The following DNMBP variants were observed in gnomAD, a reference collection of about 807,000 sequenced individuals.
The protein encoded by DNMBP is dynamin-binding protein.
Under a neutral mutation model 150.0 loss-of-function variants are expected in DNMBP, and 87 were observed. The observed-to-expected ratio is 0.58, with a 90% CI of 0.49 to 0.69. The LOEUF is 0.69. Ranked by LOEUF, DNMBP falls within the 30% of genes least tolerant of loss-of-function variation. The pLI is 0.00. For synonymous variants in DNMBP, 711 were observed against 750.4 expected, an observed-to-expected ratio of 0.95 and a Z score of 0.86; for missense variants, 1,774 against 1,949.0, an observed-to-expected ratio of 0.91 and a Z score of 1.69.
At chr10:99,893,464 G>A (rs544526189) in intron 11 of DNMBP, among the ~76,000 whole-genome samples, 217 of 152,342 alleles carry the variant, frequency 1.4e-3, no homozygotes, top group African/African-American at 4.9e-3. Flanking sequence ...GGCCAGGCGC[G>A]GTGGCTCACG....
chr10:99,878,576 C>T (rs1190515467), intron 16 of DNMBP, among the ~76,000 whole-genome samples: 1 of 152,160 alleles, frequency 6.6e-6, no homozygotes, highest in Non-Finnish European at 1.5e-5. Context: ...GAGGAATGTG[C>T]TATGGGAAGC....
At chr10:99,969,288 C>T (rs368991837) in intron 2 of DNMBP, 51 bp from the exon 3 acceptor site, 51 of 1,605,178 alleles carry the variant, frequency 3.2e-5, no homozygotes, top group African/African-American at 1.7e-4. Flanking sequence ...TTTCTTTTCC[C>T]GTCTGTGTAC....
At chr10:99,921,751 G>C (rs1168120910) in intron 4 of DNMBP, among the ~76,000 whole-genome samples, 1 of 150,172 alleles carries the variant, frequency 6.7e-6, no homozygotes, top group Non-Finnish European at 1.5e-5. Context: ...TATAGTCCCA[G>C]CTACTCAGGT....
intron 1 of DNMBP, among the ~76,000 whole-genome samples, chr10:99,992,432 G>C (rs1589452468): frequency 6.6e-6 from 1 of 151,952 alleles, no homozygotes; most frequent in African/African-American, 2.4e-5. Flanking sequence ...CTGTAAAATG[G>C]GTTTAATAAT....
At chr10:99,980,891 A>G (rs1157676876) in intron 1 of DNMBP, among the ~76,000 whole-genome samples, 1 of 152,210 alleles carries the variant, frequency 6.6e-6, no homozygotes, top group Non-Finnish European at 1.5e-5. Flanking sequence ...GGTCAAATTC[A>G]TAAGAGATTA....
rs895801002 is a variant in DNMBP at position 99,964,135 on chromosome 10, C to CTTTTTTT, written c.268+4973_268+4979dup. On this transcript the variant is annotated intron_variant, in intron 3 of 16. Coordinates refer to ENST00000324109, the MANE Select transcript of DNMBP (RefSeq NM_015221.4). Reference sequence around the variant, plus strand: ...GTCTTTTCCTTGTCCTATTCTCTCTCTTTTTTTTTTTTTTTTTTTTTTTTG... The same window carrying CTTTTTTT: ...GTCTTTTCCTTGTCCTATTCTCTCTCTTTTTTTTTTTTTTTTTTTTTTTTTTTTTTTG... Among the ~76,000 whole-genome samples the CTTTTTTT allele has an allele frequency of 2.4e-3, 213 of 87,210 alleles. 9 individuals carry two copies. The highest frequency in any genetic ancestry group is 8.9e-3 in the African/African-American group (183 of 20,486). The allele number at this position is 87,210 out of a possible 152,430, so 57.2% of individuals were successfully genotyped here.
At chr10:99,931,568 C>T (rs1481183641) in intron 4 of DNMBP, among the ~76,000 whole-genome samples, 1 of 152,130 alleles carries the variant, frequency 6.6e-6, no homozygotes, top group Non-Finnish European at 1.5e-5. Flanking sequence ...CTTGTCATGC[C>T]AGGGAAGCAT....
At chr10:99,891,840 T>A (rs1181499133) in intron 11 of DNMBP, among the ~76,000 whole-genome samples, 1 of 145,944 alleles carries the variant, frequency 6.9e-6, no homozygotes, top group Non-Finnish European at 1.5e-5. Flanking sequence ...ATCTGGGATG[T>A]GAGGAGCGCC....
At chr10:99,883,349 TC>T (rs1162380261) in intron 15 of DNMBP, among the ~76,000 whole-genome samples, 5 of 152,086 alleles carry the variant, frequency 3.3e-5, no homozygotes, top group African/African-American at 1.2e-4. Context: ...GTTTTTAATT[TC>T]CACAAGACAA....
At position 99,956,979 on chromosome 10, in the gene DNMBP, G is replaced by C. The variant is rs114527314; in HGVS notation, c.495C>G (p.Asp165Glu). 5.6e-6 allele frequency: 9 copies of C among 1,614,072 alleles called. No homozygotes were observed. In the East Asian group the frequency reaches 1.8e-4, roughly 32 times the overall value. ...TGGTGATCACATCCCCTTCCCTGAA[G>C]TCCAGCTCTTCATCCAGCTGAGCAG... ...GLSAQLDEEL[D>E]FREGDVITII... Residue 165 changes from aspartate to glutamate, a missense_variant, in exon 4 of 17, where the codon GAC becomes GAG. This residue lies in a region of DNMBP where 344 missense variants were observed against 456.6 expected (regional missense o/e 0.75). Coordinates refer to ENST00000324109, the MANE Select transcript of DNMBP (RefSeq NM_015221.4).
chr10:99,885,021 T>C (rs1401327856), intron 14 of DNMBP, among the ~76,000 whole-genome samples: 1 of 152,192 alleles, frequency 6.6e-6, no homozygotes, highest in African/African-American at 2.4e-5. Context: ...TGCCTTATGC[T>C]AATTTTTAAA....
At chr10:99,891,555 T>C (rs1178010427) in intron 11 of DNMBP, among the ~76,000 whole-genome samples, 87 of 152,000 alleles carry the variant, frequency 5.7e-4, no homozygotes, top group African/African-American at 2.0e-3. Context: ...TGCCTTGGAC[T>C]CCCAAAGTGC....
chr10:99,922,527 T>TAAA (rs71009788), intron 4 of DNMBP, among the ~76,000 whole-genome samples: 4 of 78,964 alleles, frequency 5.1e-5, no homozygotes, highest in Non-Finnish European at 6.6e-5. Context: ...TTTTTTTTCT[T>TAAA]AAAAAAAAAA....
intron 6 of DNMBP, among the ~76,000 whole-genome samples, chr10:99,902,221 A>G (rs2039751967): frequency 6.6e-6 from 1 of 150,856 alleles, no homozygotes; most frequent in African/African-American, 2.4e-5. Context: ...TATTTTCCTT[A>G]ATGTATAACT....
chr10:99,949,497 T>A (rs1269717306), intron 4 of DNMBP, among the ~76,000 whole-genome samples: 1 of 152,194 alleles, frequency 6.6e-6, no homozygotes, highest in African/African-American at 2.4e-5. Context: ...TAGCTTATAT[T>A]GTTGGATACA....
chr10:99,889,249 A>C (rs959753567), intron 11 of DNMBP: 3 of 220,682 alleles, frequency 1.4e-5, no homozygotes, highest in African/African-American at 2.3e-5. Context: ...GCAAATTATC[A>C]AATTAGAACC....
chr10:99,982,254 G>A (rs1015037822), intron 1 of DNMBP, among the ~76,000 whole-genome samples: 1 of 152,052 alleles, frequency 6.6e-6, no homozygotes, highest in Non-Finnish European at 1.5e-5. Flanking sequence ...AGACCAGCCT[G>A]GGCAACATGG....
chr10:99,890,324 T>A (rs1191915969), intron 11 of DNMBP, among the ~76,000 whole-genome samples: 2 of 152,208 alleles, frequency 1.3e-5, no homozygotes, highest in Non-Finnish European at 2.9e-5. Flanking sequence ...TGTTAGTCAA[T>A]CTAATTTTAT....
intron 11 of DNMBP, among the ~76,000 whole-genome samples, chr10:99,891,069 CCAGA>C (rs76425573): frequency 0.14 from 21,578 of 151,954 alleles, 2,363 homozygotes; most frequent in African/African-American, 0.3. Flanking sequence ...TTACTAAAGT[CCAGA>C]CAGAGCAATG....
Sources: allele counts gnomAD v4.1 joint callset (sites outside exome capture counted in the v4.1 genomes callset), GRCh38; gene constraint gnomAD v4.1.1; regional missense constraint gnomAD v4.1.1; transcripts MANE v1.5; gene names NCBI Gene and HGNC (gene_info 2026-07-23, HGNC 2026-07-21).